The following LDLRAD3 variants were observed in gnomAD, a reference collection of about 807,000 sequenced individuals.
LDLRAD3 encodes low-density lipoprotein receptor class A domain-containing protein 3.
LDLRAD3 carries 20 observed loss-of-function variants against 29.4 expected under a neutral mutation model. The observed-to-expected ratio is 0.68, with a 90% CI of 0.48 to 0.99. LDLRAD3 has a LOEUF of 0.99. Among genes scored for constraint, LDLRAD3 ranks in the 50% least tolerant of loss-of-function variants. The probability of loss-of-function intolerance (pLI) is 0.00; values close to 1 mark genes in which losing one functional copy is unlikely to be tolerated. For synonymous variants in LDLRAD3, 157 were observed against 192.7 expected, an observed-to-expected ratio of 0.81 and a Z score of 1.53; for missense variants, 420 against 454.3, an observed-to-expected ratio of 0.92 and a Z score of 0.69.
At chr11:36,136,754 G>A (rs1050140514) in intron 4 of LDLRAD3, among the ~76,000 whole-genome samples, 1 of 151,340 alleles carries the variant, frequency 6.6e-6, no homozygotes, top group Non-Finnish European at 1.5e-5. Flanking sequence ...ACAGTGGCGC[G>A]ATCTTAGCTC....
At position 36,156,197 on chromosome 11, in the gene LDLRAD3, G is replaced by A. The variant is rs1017001883; in HGVS notation, c.454+57736G>A. On this transcript the variant is annotated intron_variant, in intron 4 of 5. Transcript: ENST00000315571. ...CCTCATCAACAGCTAAGCACCTGAA[G>A]GGATAAAAAAGACCGCCAGTAGTTG... 1.3e-5 allele frequency among the ~76,000 whole-genome samples: 2 copies of A among 152,178 alleles called. 1 individual carries two copies. The highest frequency in any genetic ancestry group is 1.3e-4 in the Admixed American group (2 of 15,276).
At chr11:35,950,355 G>A (rs915642123) in intron 1 of LDLRAD3, among the ~76,000 whole-genome samples, 1 of 152,158 alleles carries the variant, frequency 6.6e-6, no homozygotes, top group Non-Finnish European at 1.5e-5. Context: ...ACATGTCCTA[G>A]TTTGCTTCTT....
chr11:35,990,155 G>C (rs1220459987), intron 1 of LDLRAD3, among the ~76,000 whole-genome samples: 1 of 152,102 alleles, frequency 6.6e-6, no homozygotes, highest in South Asian at 2.1e-4. Context: ...CAGCTCTCAG[G>C]GTTGCCGTAA....
At chr11:35,948,437 CGTGTGT>C (rs140009978) in intron 1 of LDLRAD3, among the ~76,000 whole-genome samples, 6,406 of 147,236 alleles carry the variant, frequency 0.044, 226 homozygotes, top group African/African-American at 0.086. Flanking sequence ...GTTGGCTGAT[CGTGTGT>C]GTGTGTGTGT....
At chr11:36,159,330 A>G (rs945157486) in intron 4 of LDLRAD3, among the ~76,000 whole-genome samples, 1 of 151,824 alleles carries the variant, frequency 6.6e-6, no homozygotes, top group Non-Finnish European at 1.5e-5. Context: ...CTTGCTGGGT[A>G]TGGTGGTGTT....
intron 1 of LDLRAD3, among the ~76,000 whole-genome samples, chr11:35,973,170 T>C (rs955343243): frequency 6.6e-6 from 1 of 151,818 alleles, no homozygotes; most frequent in Admixed American, 6.6e-5. Flanking sequence ...TGTTTTGTTT[T>C]GTTTTTTTTG....
intron 4 of LDLRAD3, among the ~76,000 whole-genome samples, chr11:36,166,366 A>T (rs769052225): frequency 6.6e-6 from 1 of 152,160 alleles, no homozygotes; most frequent in South Asian, 2.1e-4. Context: ...TCTCAGTGAG[A>T]CATGGAAGGG....
At chr11:36,143,003 TATAC>T (rs1182947907) in intron 4 of LDLRAD3, among the ~76,000 whole-genome samples, 1 of 152,232 alleles carries the variant, frequency 6.6e-6, no homozygotes, top group Non-Finnish European at 1.5e-5. Context: ...TTTTCATTAA[TATAC>T]ATAACAAACA....
At chr11:36,139,867 G>T (rs949407492) in intron 4 of LDLRAD3, among the ~76,000 whole-genome samples, 1 of 152,204 alleles carries the variant, frequency 6.6e-6, no homozygotes, top group African/African-American at 2.4e-5. Flanking sequence ...CCCCTGGAAG[G>T]CTTGGCAGCA....
chr11:36,042,956 T>A (rs1852401148), intron 2 of LDLRAD3, among the ~76,000 whole-genome samples: 1 of 152,154 alleles, frequency 6.6e-6, no homozygotes. Context: ...TTGTGGTACT[T>A]GGTTATGGCA....
In LDLRAD3 at chr11:36,081,733, A is replaced by G. The variant is rs1853117931; in HGVS notation, c.274A>G (p.Asn92Asp). 1 of 1,614,092 alleles carries G rather than the reference A, an allele frequency of 6.2e-7. No individual in the cohort carries two copies. The highest frequency in any genetic ancestry group is 1.7e-5 in the Admixed American group (1 of 60,010). Residue 92 changes from asparagine (N) to aspartate (D), a missense_variant, in exon 3 of 6, where the codon AAT becomes GAT. This residue lies in a region of LDLRAD3 where 224 missense variants were observed against 222.2 expected (regional missense o/e 1.01). Transcript: ENST00000315571. ...IHCIIGRFRC[N>D]GFEDCPDGSD... ...TTGCATCATTGGTCGCTTCCGGTGC[A>G]ATGGGTTTGAGGACTGTCCCGATGG...
At chr11:36,125,106 GTGTT>G (rs1853816416) in intron 4 of LDLRAD3, among the ~76,000 whole-genome samples, 1 of 152,142 alleles carries the variant, frequency 6.6e-6, no homozygotes, top group African/African-American at 2.4e-5. Flanking sequence ...AGTGTCCAGA[GTGTT>G]TGTTCCAGGG....
intron 4 of LDLRAD3, among the ~76,000 whole-genome samples, chr11:36,158,560 TC>T (rs1251996716): frequency 2.0e-5 from 3 of 150,024 alleles, no homozygotes; most frequent in African/African-American, 7.3e-5. Context: ...GCATTTATTA[TC>T]TTCTCCCAAA....
intron 1 of LDLRAD3, among the ~76,000 whole-genome samples, chr11:35,982,848 CTTTTTTTT>C (rs61605411): frequency 1.1e-5 from 1 of 88,728 alleles, no homozygotes; most frequent in Non-Finnish European, 2.0e-5. Context: ...CTGTTTGCTG[CTTTTTTTT>C]TTTTTTTTTT....
chr11:35,998,103 G>C (rs1175678658), intron 1 of LDLRAD3, among the ~76,000 whole-genome samples: 3 of 152,164 alleles, frequency 2.0e-5, no homozygotes, highest in Non-Finnish European at 4.4e-5. Context: ...GACTCCCCCA[G>C]GTGTTGTCTT....
chr11:36,093,427 GT>G (rs957771276), intron 3 of LDLRAD3, among the ~76,000 whole-genome samples: 28 of 149,784 alleles, frequency 1.9e-4, no homozygotes, highest in Non-Finnish European at 3.3e-4. Flanking sequence ...TCCCATTAAG[GT>G]TTTTTTTTTC....
chr11:36,070,577 A>T (rs1438210731), intron 2 of LDLRAD3, among the ~76,000 whole-genome samples: 1 of 152,180 alleles, frequency 6.6e-6, no homozygotes, highest in African/African-American at 2.4e-5. Flanking sequence ...AGCGGCAATA[A>T]CATCAGGAAG....
chr11:36,151,041 C>A (rs1262726115), intron 4 of LDLRAD3, among the ~76,000 whole-genome samples: 1 of 152,184 alleles, frequency 6.6e-6, no homozygotes, highest in African/African-American at 2.4e-5. Context: ...ACCACATGCA[C>A]CCATAGGCAC....
intron 1 of LDLRAD3, among the ~76,000 whole-genome samples, chr11:36,002,661 A>C (rs1851839072): frequency 6.6e-6 from 1 of 152,238 alleles, no homozygotes; most frequent in African/African-American, 2.4e-5. Flanking sequence ...GCTTTAGGAC[A>C]GTGAGTGTCA....
Sources: allele counts gnomAD v4.1 joint callset (sites outside exome capture counted in the v4.1 genomes callset), GRCh38; gene constraint gnomAD v4.1.1; regional missense constraint gnomAD v4.1.1; transcripts MANE v1.5; gene names NCBI Gene and HGNC (gene_info 2026-07-23, HGNC 2026-07-21).